UBE4B: variants seen among roughly 807,000 people sequenced by gnomAD.
UBE4B encodes the protein ubiquitination factor E4B, also known as ubiquitin conjugation factor E4 B.
Under a neutral mutation model 148.1 loss-of-function variants are expected in UBE4B, and 27 were observed. The observed-to-expected ratio is 0.18, with a 90% CI of 0.13 to 0.25. UBE4B has a LOEUF of 0.25. UBE4B is among the 10% of genes least tolerant of loss of function. The pLI is 1.00. For synonymous variants in UBE4B, 596 were observed against 619.3 expected (o/e 0.96, Z 0.56); for missense variants, 1,170 against 1,662.4 (o/e 0.70, Z 5.15).
At chr1:10,088,788 C>T (rs1233497311) in intron 2 of UBE4B, among the ~76,000 whole-genome samples, 1 of 152,016 alleles carries the variant, frequency 6.6e-6, no homozygotes, top group African/African-American at 2.4e-5. Context: ...AAGTGATCCT[C>T]CTACCTCAGC....
At chr1:10,062,401 C>T (rs1018947621) in intron 1 of UBE4B, among the ~76,000 whole-genome samples, 1 of 152,196 alleles carries the variant, frequency 6.6e-6, no homozygotes, top group African/African-American at 2.4e-5. Flanking sequence ...CAACCTTCAC[C>T]TCCTGGGTTT....
intron 1 of UBE4B, among the ~76,000 whole-genome samples, chr1:10,070,753 TTTAA>T (rs754880459): frequency 1.4e-4 from 21 of 152,222 alleles, no homozygotes; most frequent in Non-Finnish European, 2.8e-4. Context: ...GATGTTGCTC[TTTAA>T]TTATATGTTA....
At chr1:10,059,412 C>A in intron 1 of UBE4B, 1 of 208,974 alleles carries the variant, frequency 4.8e-6, no homozygotes, top group South Asian at 8.6e-5. Flanking sequence ...AAATAATTCC[C>A]CAGATCCAGG....
chr1:10,077,182 G>T (rs1224968198), intron 2 of UBE4B, among the ~76,000 whole-genome samples: 1 of 152,184 alleles, frequency 6.6e-6, no homozygotes, highest in Non-Finnish European at 1.5e-5. Flanking sequence ...CAAAGCCAAG[G>T]TGTTGGTAGG....
In UBE4B at chr1:10,138,487, G is replaced by A. The variant is rs972018192; in HGVS notation, c.2363+1282G>A. ...GACCTCAGGCGATCCGACTGCCTCC[G>A]CCTCCCAAAGTGCTGAGATTACAGG... On this transcript the variant is annotated intron_variant, in intron 17 of 27. Coordinates refer to ENST00000343090, the MANE Select transcript of UBE4B (RefSeq NM_001105562.3). Among the ~76,000 whole-genome samples the A allele has an allele frequency of 5.3e-5, 8 of 152,022 alleles. 1 individual carries two copies. The South Asian group carries it at 8.3e-4, about 16-fold the overall frequency.
chr1:10,035,721 ATTTT>A (rs1046609613), intron 1 of UBE4B, among the ~76,000 whole-genome samples: 1 of 127,352 alleles, frequency 7.9e-6, no homozygotes, highest in Non-Finnish European at 1.7e-5. Flanking sequence ...TAGTTTTTTT[ATTTT>A]TTTTTATTTT....
At position 10,119,558 on chromosome 1, in the gene UBE4B, T is replaced by C; in HGVS notation, c.1384T>C (p.Ser462Pro). The C allele has an allele frequency of 7.4e-6, 12 of 1,613,770 alleles. No homozygotes were observed. Among genetic ancestry groups the C allele is most frequent in the Non-Finnish European group, 1.0e-5 (12 of 1,179,732 alleles). Residue 462 changes from serine to proline, a missense_variant, in exon 9 of 28, where the codon TCA becomes CCA. Transcript: ENST00000343090. ...CAGCCAGCTTCTGAGCAACATCCGC[T>C]CACAGTGCATATCCCATACTGCTTT... Reference protein sequence around the residue: ...AVSQLLSNIRSQCISHTALVL... With the variant: ...AVSQLLSNIRPQCISHTALVL...
At chr1:10,146,906 C>G (rs888227209) in intron 18 of UBE4B, 57 bp from the exon 19 acceptor site, 4 of 1,596,370 alleles carry the variant, frequency 2.5e-6, no homozygotes, top group African/African-American at 2.7e-5. Flanking sequence ...GCCCAGTCCC[C>G]CTGTAGGGAC....
intron 17 of UBE4B, among the ~76,000 whole-genome samples, chr1:10,141,369 A>G (rs1645779377): frequency 6.6e-6 from 1 of 152,024 alleles, no homozygotes; most frequent in African/African-American, 2.4e-5. Flanking sequence ...TGTGATGGGG[A>G]AGCAGAGGTT....
chr1:10,176,167 A>G (rs1646426822), intron 25 of UBE4B, among the ~76,000 whole-genome samples: 1 of 152,192 alleles, frequency 6.6e-6, no homozygotes, highest in African/African-American at 2.4e-5. Context: ...GTGTTGTAGA[A>G]TGTATCAGTA....
intron 2 of UBE4B, among the ~76,000 whole-genome samples, chr1:10,085,665 C>T (rs756362129): frequency 9.9e-5 from 15 of 152,070 alleles, no homozygotes; most frequent in Non-Finnish European, 2.1e-4. Context: ...TTTTTTTTAA[C>T]ATCAGTTCTA....
At chr1:10,151,294 G>A in intron 20 of UBE4B, 32 bp from the exon 21 acceptor site, 2 of 1,600,426 alleles carry the variant, frequency 1.2e-6, no homozygotes, top group Admixed American at 1.7e-5. Flanking sequence ...TTTCTCAGCG[G>A]TCTCTTTCTT....
chr1:10,054,038 G>A lies in UBE4B; in HGVS notation c.25-17990G>A, dbSNP rs1257707526. 2.6e-5 allele frequency among the ~76,000 whole-genome samples: 4 copies of A among 151,792 alleles called. No individual in the cohort carries two copies. The East Asian group carries it at 7.7e-4, about 29-fold the overall frequency. ...TTCCTTCATCAAATCTTTTTTTGTT[G>A]TTGGGGTAGTAATTAGAAATATTAG... is the stretch of plus-strand genomic sequence containing the variant. On this transcript the variant is annotated intron_variant, in intron 1 of 27. Transcript: ENST00000343090.
chr1:10,096,130 T>C (rs914245392), intron 3 of UBE4B, among the ~76,000 whole-genome samples: 1 of 152,168 alleles, frequency 6.6e-6, no homozygotes, highest in Non-Finnish European at 1.5e-5. Flanking sequence ...TTAAAAAAAA[T>C]CTATTGTTCT....
intron 2 of UBE4B, among the ~76,000 whole-genome samples, chr1:10,078,489 G>A (rs1028753956): frequency 3.3e-5 from 5 of 151,982 alleles, no homozygotes; most frequent in African/African-American, 1.2e-4. Context: ...ATTCTTTGGA[G>A]GACAGTCTAG....
At chr1:10,085,341 G>A (rs1439520184) in intron 2 of UBE4B, among the ~76,000 whole-genome samples, 2 of 152,138 alleles carry the variant, frequency 1.3e-5, no homozygotes, top group Non-Finnish European at 2.9e-5. Flanking sequence ...TTGTCACCTC[G>A]TGGCCTCAGG....
At position 10,072,025 on chromosome 1, in the gene UBE4B, T is replaced by C. The variant is rs774545937; in HGVS notation, c.25-3T>C. The stretch of plus-strand genomic sequence containing the variant: ...AGAATGCCCTTTTCCCCTCATGTTG[T>C]AGATTCGACGGAGGCGCCTTGCACG... On this transcript the variant is annotated splice_polypyrimidine_tract_variant and splice_region_variant and intron_variant, in intron 1 of 27. Coordinates refer to ENST00000343090, the MANE Select transcript of UBE4B (RefSeq NM_001105562.3). 6.3e-7 allele frequency: 1 copy of C among 1,575,096 alleles called. No individual in the cohort carries two copies. The highest frequency in any genetic ancestry group is 1.2e-5 in the South Asian group (1 of 86,394).
intron 21 of UBE4B, among the ~76,000 whole-genome samples, chr1:10,152,215 C>T (rs896469124): frequency 7.9e-5 from 12 of 151,202 alleles, no homozygotes; most frequent in Non-Finnish European, 1.6e-4. Context: ...GCCGAGATCC[C>T]GCCACTGTAT....
chr1:10,163,393 G>C (rs1157304327), intron 23 of UBE4B: 3 of 152,326 alleles, frequency 2.0e-5, no homozygotes, highest in African/African-American at 7.2e-5. Context: ...TATTAGGCCA[G>C]GGGTGGTGGC....
Sources: gnomAD v4.1 joint callset for allele counts (sites outside exome capture counted in the v4.1 genomes callset) on GRCh38, gnomAD v4.1.1 for gene constraint, MANE v1.5 for transcripts, NCBI Gene and HGNC (gene_info 2026-07-23, HGNC 2026-07-21) for gene names.